The following NAALADL2 variants were observed in gnomAD, a reference collection of about 807,000 sequenced individuals.
The protein encoded by NAALADL2 is inactive N-acetylated-alpha-linked acidic dipeptidase-like protein 2.
NAALADL2 carries 76 observed loss-of-function variants against 87.2 expected under a neutral mutation model. That is an observed-to-expected ratio of 0.87 (90% CI 0.72 to 1.05). The LOEUF (loss-of-function observed/expected upper bound fraction) is 1.05. Ranked by LOEUF, NAALADL2 falls within the 50% of genes least tolerant of loss-of-function variation. NAALADL2 has a pLI of 0.00. For synonymous variants in NAALADL2, 354 were observed against 331.0 expected, an observed-to-expected ratio of 1.07 and a Z score of -0.75; for missense variants, 1,089 against 945.8, an observed-to-expected ratio of 1.15 and a Z score of -1.99.
intron 4 of NAALADL2, among the ~76,000 whole-genome samples, chr3:175,312,593 G>A (rs999686059): frequency 9.9e-5 from 15 of 152,214 alleles, no homozygotes; most frequent in African/African-American, 3.4e-4. Flanking sequence ...AAGGATGGAC[G>A]TATAATTGAG....
At chr3:174,825,037 G>A (rs1435085252) in intron 3 of NAALADL2, among the ~76,000 whole-genome samples, 1 of 152,136 alleles carries the variant, frequency 6.6e-6, no homozygotes, top group Admixed American at 6.6e-5. Flanking sequence ...TTTCAAGAAA[G>A]GACCAAGTTT....
intron 10 of NAALADL2, among the ~76,000 whole-genome samples, chr3:175,597,878 G>A (rs1582562590): frequency 6.6e-6 from 1 of 151,942 alleles, no homozygotes; most frequent in African/African-American, 2.4e-5. Context: ...ATAAACTTCA[G>A]GCATGATTAT....
intron 1 of NAALADL2, among the ~76,000 whole-genome samples, chr3:174,549,391 A>G (rs1428478489): frequency 1.3e-5 from 2 of 152,194 alleles, no homozygotes; most frequent in African/African-American, 4.8e-5. Context: ...TCCTTGGCCT[A>G]TGGCAAAGTT....
chr3:175,327,816 A>G lies in NAALADL2; in HGVS notation c.1090+3491A>G, dbSNP rs143393549. The stretch of plus-strand genomic sequence containing the variant: ...TCTGGGTTAGTAAGAGTCTTCATTA[A>G]AAGTCTATGTGAATCCAATTTTAAG... On this transcript the variant is annotated intron_variant, in intron 5 of 13. Coordinates refer to ENST00000454872, the MANE Select transcript of NAALADL2 (RefSeq NM_207015.3). Among the ~76,000 whole-genome samples the G allele has an allele frequency of 1.1e-4, 17 of 152,288 alleles. No homozygotes were observed. In the East Asian group the frequency reaches 2.3e-3, roughly 21 times the overall value.
intron 1 of NAALADL2, among the ~76,000 whole-genome samples, chr3:174,903,647 A>G (rs1030109829): frequency 1.3e-5 from 2 of 151,998 alleles, no homozygotes; most frequent in African/African-American, 2.4e-5. Flanking sequence ...TTTTGAGAAT[A>G]AATACAATTG....
At chr3:174,470,709 C>A (rs1198668916) in intron 1 of NAALADL2, among the ~76,000 whole-genome samples, 2 of 152,076 alleles carry the variant, frequency 1.3e-5, no homozygotes, top group Admixed American at 6.5e-5. Context: ...TTCCCATCAC[C>A]GTTTATTGAA....
chr3:175,119,552 G>A (rs771462769), intron 2 of NAALADL2, among the ~76,000 whole-genome samples: 1 of 150,812 alleles, frequency 6.6e-6, no homozygotes, highest in Non-Finnish European at 1.5e-5. Flanking sequence ...GTGAGAAGAG[G>A]AGGTAAGGAA....
chr3:175,467,078 C>A lies in NAALADL2; in HGVS notation c.1427C>A (p.Ala476Asp), dbSNP rs765055784. Residue 476 changes from alanine to aspartate, a missense_variant, in exon 8 of 14, where the codon GCC becomes GAC. Physicochemically the swap from Ala to Asp is moderately radical, Grantham distance 126. Transcript: ENST00000454872. ...GCAATAATCACAGCGTTTATCCGTG[C>A]CTTGATGTCAAAAGTTAAGAGAGGG... is the stretch of plus-strand genomic sequence containing the variant. Reference protein sequence around the residue: ...STAIITAFIRALMSKVKRGWR... With the variant: ...STAIITAFIRDLMSKVKRGWR... 1 of 1,613,770 alleles carries A rather than the reference C, an allele frequency of 6.2e-7. No homozygotes were observed. The highest frequency in any genetic ancestry group is 8.5e-7 in the Non-Finnish European group (1 of 1,179,770).
At chr3:175,651,121 T>G (rs1437931525) in intron 11 of NAALADL2, among the ~76,000 whole-genome samples, 1 of 152,194 alleles carries the variant, frequency 6.6e-6, no homozygotes, top group Non-Finnish European at 1.5e-5. Context: ...GAAAAAATTT[T>G]TTTAGTATTG....
At chr3:175,252,714 G>A (rs1749270681) in intron 3 of NAALADL2, among the ~76,000 whole-genome samples, 1 of 152,136 alleles carries the variant, frequency 6.6e-6, no homozygotes, top group South Asian at 2.1e-4. Context: ...TGAATGCTAA[G>A]GAAAAGTTCT....
rs979735529 is a variant in NAALADL2 at position 175,615,913 on chromosome 3, A to T, written c.1801-11378A>T. 3.4e-5 allele frequency among the ~76,000 whole-genome samples: 5 copies of T among 147,640 alleles called. 1 individual carries two copies. The highest frequency in any genetic ancestry group is 1.2e-4 in the African/African-American group (5 of 40,660). ...TGTATATAAAATACGTATAATATATATTTATATTATTACATATGATTATGT... is the reference window on the plus strand; with the variant it reads ...TGTATATAAAATACGTATAATATATTTTTATATTATTACATATGATTATGT... On this transcript the variant is annotated intron_variant, in intron 10 of 13. Transcript: ENST00000454872.
rs1716979414 is a variant in NAALADL2, at chr3:174,787,683, T to G, written c.-9+49937T>G. The stretch of plus-strand genomic sequence containing the variant: ...AACTATATTTCAAAACTGGACTTTT[T>G]GAAATAAAGAAAAGAGAAGTGGATT... On this transcript the variant is annotated intron_variant, in intron 3 of 3. Coordinates refer to the NAALADL2 transcript ENST00000434257. Among the ~76,000 whole-genome samples the G allele has an allele frequency of 2.8e-5, 4 of 141,112 alleles. No individual in the cohort carries two copies. The Admixed American group carries it at 3.0e-4, about 10-fold the overall frequency. 92.6% of individuals were successfully genotyped at this position (141,112 alleles called of 152,430 possible).
At chr3:174,693,555 A>G (rs896178822) in intron 2 of NAALADL2, among the ~76,000 whole-genome samples, 7 of 152,158 alleles carry the variant, frequency 4.6e-5, no homozygotes, top group Non-Finnish European at 7.4e-5. Flanking sequence ...TTCAATTCAG[A>G]GTATGTTGAA....
At chr3:175,579,758 A>T (rs915823150) in intron 10 of NAALADL2, among the ~76,000 whole-genome samples, 1 of 152,192 alleles carries the variant, frequency 6.6e-6, no homozygotes, top group African/African-American at 2.4e-5. Flanking sequence ...TTAAGAGTGC[A>T]ATATTTATGG....
chr3:175,096,450 A>C (rs1301791681), intron 1 of NAALADL2, among the ~76,000 whole-genome samples: 2 of 151,564 alleles, frequency 1.3e-5, no homozygotes, highest in Admixed American at 6.6e-5. Context: ...GTAATTGTAC[A>C]TTCATGACTG....
intron 2 of NAALADL2, among the ~76,000 whole-genome samples, chr3:175,101,105 G>A (rs931629104): frequency 2.6e-5 from 4 of 152,094 alleles, no homozygotes; most frequent in South Asian, 2.1e-4. Flanking sequence ...AGCACACACC[G>A]GAAAAAATTT....
chr3:175,152,704 G>C (rs1470042315), intron 2 of NAALADL2, among the ~76,000 whole-genome samples: 1 of 152,008 alleles, frequency 6.6e-6, no homozygotes, highest in African/African-American at 2.4e-5. Flanking sequence ...TCAGGAGTTC[G>C]AGACCAGCCT....
At chr3:174,841,264 G>C (rs1168843415) in intron 3 of NAALADL2, among the ~76,000 whole-genome samples, 1 of 152,062 alleles carries the variant, frequency 6.6e-6, no homozygotes, top group South Asian at 2.1e-4. Flanking sequence ...AATAGTTACT[G>C]TGCTTATTCT....
intron 1 of NAALADL2, among the ~76,000 whole-genome samples, chr3:175,028,119 G>A (rs1241405460): frequency 6.6e-6 from 1 of 151,788 alleles, no homozygotes; most frequent in African/African-American, 2.4e-5. Flanking sequence ...GGTTTCCTAC[G>A]CCAGTCAAAA....
Sources: allele counts gnomAD v4.1 joint callset (sites outside exome capture counted in the v4.1 genomes callset), GRCh38; gene constraint gnomAD v4.1.1; transcripts MANE v1.5; gene names NCBI Gene and HGNC (gene_info 2026-07-23, HGNC 2026-07-21).